Variants in HPCAL1 observed in about 807,000 individuals in gnomAD.
HPCAL1 encodes the protein hippocalcin-like protein 1.
HPCAL1 carries 8 observed loss-of-function variants against 17.1 expected under a neutral mutation model. That is an observed-to-expected ratio of 0.47 (90% CI 0.27 to 0.84). The LOEUF is 0.84. Among genes scored for constraint, HPCAL1 ranks in the 40% least tolerant of loss-of-function variants. The probability of loss-of-function intolerance (pLI) is 0.13; values close to 1 mark genes in which losing one functional copy is unlikely to be tolerated. For missense variants in HPCAL1, 165 were observed against 271.1 expected (o/e 0.61, Z 2.75); for synonymous variants, 112 against 111.4 (o/e 1.01, Z -0.03).
intron 1 of HPCAL1, among the ~76,000 whole-genome samples, chr2:10,306,121 G>A (rs13414886): frequency 0.057 from 8,731 of 152,188 alleles, 322 homozygotes; most frequent in East Asian, 0.13. Context: ...CGGGGGCCCC[G>A]GAGTTTATTT....
intron 4 of HPCAL1, chr2:10,425,170 G>A (rs1401306448): frequency 6.4e-6 from 1 of 156,016 alleles, no homozygotes; most frequent in Non-Finnish European, 1.4e-5. Context: ...GTCAGGAACT[G>A]GAAGTGGGGA....
rs1169261278 is a variant in HPCAL1, at chr2:10,427,432, C to G, written c.*611C>G. 6.6e-6 allele frequency: 1 copy of G among 152,584 alleles called. No homozygotes were observed. Among genetic ancestry groups the G allele is most frequent in the African/African-American group, 2.4e-5 (1 of 41,442 alleles). The allele number at this position is 152,584 out of a possible 1,614,324, so 9.5% of individuals were successfully genotyped here. On this transcript the variant is annotated 3_prime_UTR_variant, in exon 5 of 5. Coordinates refer to ENST00000307845, the MANE Select transcript of HPCAL1 (RefSeq NM_002149.4). ...CTCTGTGGCCCGCAGCCCCCTGAGC[C>G]TGGCTGTTGTGTGGTATTTATGCTC...
At chr2:10,400,150 T>G (rs1230918390) in intron 2 of HPCAL1, among the ~76,000 whole-genome samples, 1 of 152,064 alleles carries the variant, frequency 6.6e-6, no homozygotes, top group Non-Finnish European at 1.5e-5. Context: ...GAGCAGCTGG[T>G]GCAAAGGGCC....
At chr2:10,347,589 A>ACCC (rs1259193552) in intron 1 of HPCAL1, among the ~76,000 whole-genome samples, 3 of 151,836 alleles carry the variant, frequency 2.0e-5, no homozygotes, top group Non-Finnish European at 4.4e-5. Context: ...TGTCCTCAGC[A>ACCC]CCCACCCTGC....
At chr2:10,337,122 C>T (rs1664772192) in intron 1 of HPCAL1, among the ~76,000 whole-genome samples, 1 of 152,118 alleles carries the variant, frequency 6.6e-6, no homozygotes, top group Non-Finnish European at 1.5e-5. Flanking sequence ...CAGTTCCCCT[C>T]ACATTGCATT....
intron 1 of HPCAL1, among the ~76,000 whole-genome samples, chr2:10,306,349 C>A (rs2125374019): frequency 6.6e-6 from 1 of 152,162 alleles, no homozygotes; most frequent in African/African-American, 2.4e-5. Context: ...GTGGGGGAGG[C>A]ATGTTTGGAG....
Position 10,342,464 on chromosome 2 carries a change from A to C in HPCAL1, c.-111+39287A>C, listed in dbSNP as rs1175142435. 2.0e-5 allele frequency among the ~76,000 whole-genome samples: 3 copies of C among 151,462 alleles called. No homozygotes were observed. The highest frequency in any genetic ancestry group is 4.4e-5 in the Non-Finnish European group (3 of 67,846). On this transcript the variant is annotated intron_variant, in intron 1 of 4. Coordinates refer to ENST00000307845, the MANE Select transcript of HPCAL1 (RefSeq NM_002149.4). The surrounding 1 kb of genome is among the most constrained non-coding windows in gnomAD (Gnocchi z 4.1). The stretch of plus-strand genomic sequence containing the variant: ...CGCGCAGCCTGAAAGGGAGGCGTGC[A>C]GAAACAACGTAGCTCCAAGGAGGAC...
At chr2:10,338,748 A>G (rs930852308) in intron 1 of HPCAL1, among the ~76,000 whole-genome samples, 3 of 152,176 alleles carry the variant, frequency 2.0e-5, no homozygotes, top group African/African-American at 7.2e-5. Flanking sequence ...GATTCCGTAG[A>G]GCTTTGAGGC....
chr2:10,336,295 T>G (rs921536309), intron 1 of HPCAL1, among the ~76,000 whole-genome samples: 1 of 152,260 alleles, frequency 6.6e-6, no homozygotes, highest in Non-Finnish European at 1.5e-5. Context: ...ATCTTTTTCT[T>G]AGTGATTTGT....
At chr2:10,415,099 G>C (rs933118410) in intron 2 of HPCAL1, among the ~76,000 whole-genome samples, 1 of 152,124 alleles carries the variant, frequency 6.6e-6, no homozygotes, top group Non-Finnish European at 1.5e-5. Context: ...GCCCCAGCTT[G>C]AGTCTCAGTG....
chr2:10,397,845 A>G (rs951022195), intron 2 of HPCAL1, among the ~76,000 whole-genome samples: 2 of 152,198 alleles, frequency 1.3e-5, no homozygotes, highest in African/African-American at 4.8e-5. Context: ...TTTGTAAGCA[A>G]GGAACCAGGT....
rs34789263 is a variant in HPCAL1 at position 10,330,084 on chromosome 2, T to TA, written c.-111+26907_-111+26908insA. On this transcript the variant is annotated intron_variant, in intron 1 of 4. Coordinates refer to ENST00000307845, the MANE Select transcript of HPCAL1 (RefSeq NM_002149.4). The surrounding 1 kb of genome is among the most constrained non-coding windows in gnomAD (Gnocchi z 4.2). ...TGTTATTTAAATCTTGGTCCTTTGA[T>TA]TTTTTTTTTTTTTCCTTTTAGAGAC... 1 of 87,816 alleles carries TA rather than the reference T, an allele frequency of 1.1e-5. No homozygotes were observed. The highest frequency in any genetic ancestry group is 1.2e-3 in the East Asian group (1 of 842). The allele number at this position is 87,816 out of a possible 1,614,324, so 5.4% of individuals were successfully genotyped here. A position where few individuals can be genotyped will look rare whatever the true frequency, so the allele number is the denominator to read the frequency against.
chr2:10,426,942 C>T lies in HPCAL1; in HGVS notation c.*121C>T, dbSNP rs918544705. The T allele has an allele frequency of 4.5e-6, 4 of 890,822 alleles. No individual in the cohort carries two copies. The highest frequency in any genetic ancestry group is 2.0e-5 in the Admixed American group (1 of 49,232). The allele number at this position is 890,822 out of a possible 1,614,324, so 55.2% of individuals were successfully genotyped here. A position where few individuals can be genotyped will look rare whatever the true frequency, so the allele number is the denominator to read the frequency against. ...TCCCGGGCCCCGGGCCTGGGGCATG[C>T]GTTGCACCTGCCCAGCCCGGTGGCT... On this transcript the variant is annotated 3_prime_UTR_variant, in exon 5 of 5. Transcript: ENST00000307845.
At chr2:10,385,355 C>G (rs1156295580) in intron 1 of HPCAL1, among the ~76,000 whole-genome samples, 1 of 78,004 alleles carries the variant, frequency 1.3e-5, no homozygotes, top group Non-Finnish European at 2.4e-5. Flanking sequence ...GGTCACTTGT[C>G]GGGAATGCAG....
At chr2:10,368,256 G>A (rs1285432718) in intron 1 of HPCAL1, among the ~76,000 whole-genome samples, 1 of 151,856 alleles carries the variant, frequency 6.6e-6, no homozygotes, top group Non-Finnish European at 1.5e-5. Context: ...TGCATTGTGT[G>A]TAGGTTTGTG....
chr2:10,309,238 T>G (rs990115051), intron 1 of HPCAL1, among the ~76,000 whole-genome samples: 1 of 152,158 alleles, frequency 6.6e-6, no homozygotes, highest in Non-Finnish European at 1.5e-5. Flanking sequence ...CTTGCTATGT[T>G]GCCCAGACTG....
Position 10,395,825 on chromosome 2 carries a change from G to A in HPCAL1, c.-110-1010G>A, listed in dbSNP as rs112272170. Among the ~76,000 whole-genome samples, 4,325 of 152,238 alleles carry A rather than the reference G, an allele frequency of 0.028. 188 individuals carry two copies. Among genetic ancestry groups the A allele is most frequent in the African/African-American group, 0.096 (3,965 of 41,494 alleles). On this transcript the variant is annotated intron_variant, in intron 1 of 4. Coordinates refer to ENST00000307845, the MANE Select transcript of HPCAL1 (RefSeq NM_002149.4). The surrounding 1 kb of genome is among the most constrained non-coding windows in gnomAD (Gnocchi z 4.4). ...TCAAATGGGGATGATGATTGTGCCT[G>A]CCTCCCAGGGCTGCTGTGTGGATTA...
chr2:10,348,404 G>T (rs995292819), intron 1 of HPCAL1, among the ~76,000 whole-genome samples: 1 of 151,996 alleles, frequency 6.6e-6, no homozygotes, highest in African/African-American at 2.4e-5. Flanking sequence ...AGCCGAGATC[G>T]CTCCACTGCA....
At chr2:10,396,665 C>G (rs937470617) in intron 1 of HPCAL1, among the ~76,000 whole-genome samples, 170 bp from the exon 2 acceptor site, 1 of 152,244 alleles carries the variant, frequency 6.6e-6, no homozygotes, top group Non-Finnish European at 1.5e-5. Flanking sequence ...GCATGTGCCC[C>G]TGTCCATGGT....
Sources: gnomAD v4.1 joint callset for allele counts (sites outside exome capture counted in the v4.1 genomes callset) on GRCh38, gnomAD v4.1.1 for gene constraint, Gnocchi (gnomAD v3.1) non-coding constraint, MANE v1.5 for transcripts, NCBI Gene and HGNC (gene_info 2026-07-23, HGNC 2026-07-21) for gene names.